The following ECEL1 variants were observed in gnomAD, a reference collection of about 807,000 sequenced individuals.
ECEL1 encodes endothelin converting enzyme like 1, also known as endothelin-converting enzyme-like 1.
In ECEL1, 87 loss-of-function variants were observed where a neutral mutation model predicts 101.8. The observed-to-expected ratio is 0.85, with a 90% CI of 0.72 to 1.02. The LOEUF (loss-of-function observed/expected upper bound fraction) is 1.02. Ranked by LOEUF, ECEL1 falls within the 50% of genes least tolerant of loss-of-function variation. The probability of loss-of-function intolerance (pLI) is 0.00; values close to 1 mark genes in which losing one functional copy is unlikely to be tolerated. For synonymous variants in ECEL1, 487 were observed against 468.7 expected (o/e 1.04, Z -0.50); for missense variants, 1,032 against 1,079.2 (o/e 0.96, Z 0.61).
In ECEL1 at chr2:232,479,981, C is replaced by T; in HGVS notation, c.*172G>A. On this transcript the variant is annotated 3_prime_UTR_variant, in exon 18 of 18. Transcript: ENST00000304546. ...ACAGCCCCCCAAAGTCCAGCCTCAC[C>T]CTGCTCCAGGCCCCTCCTGAAGTGA... 1.6e-6 allele frequency: 1 copy of T among 641,668 alleles called. No homozygotes were observed. The highest frequency in any genetic ancestry group is 1.9e-5 in the South Asian group (1 of 51,544). 39.7% of individuals were successfully genotyped at this position (641,668 alleles called of 1,614,324 possible).
At position 232,485,769 on chromosome 2, in the gene ECEL1, C is replaced by T. The variant is rs1043788985; in HGVS notation, c.786+99G>A. ...CTCCTGCTCGTCTCTTCCCTCCTCT[C>T]CTCTCACGCACCCGCCTCCCGCGCG... On this transcript the variant is annotated intron_variant, in intron 2 of 17. Coordinates refer to ENST00000304546, the MANE Select transcript of ECEL1 (RefSeq NM_004826.4). 3.5e-6 allele frequency: 5 copies of T among 1,438,646 alleles called. No homozygotes were observed. The African/African-American group carries it at 7.0e-5, about 20-fold the overall frequency. 89.1% of individuals were successfully genotyped at this position (1,438,646 alleles called of 1,614,324 possible).
chr2:232,486,563 C>G lies in ECEL1; in HGVS notation c.91G>C (p.Ala31Pro). Residue 31 changes from alanine (A) to proline (P), a missense_variant, in exon 2 of 18, where the codon GCC becomes CCC. Ala to Pro is a conservative substitution (Grantham distance 27, BLOSUM62 -1). Coordinates refer to ENST00000304546, the MANE Select transcript of ECEL1 (RefSeq NM_004826.4). ...AACGGGAAGCCCGGGGGCAGGGAGG[C>G]CCCGCGCGCGCCCCCCGCGCCGCAG... ...SRCGAGGARG[A>P]SLPPGFPLGA... 1 of 1,374,018 alleles carries G rather than the reference C, an allele frequency of 7.3e-7. No homozygotes were observed. The highest frequency in any genetic ancestry group is 1.7e-5 in the South Asian group (1 of 58,388). 85.1% of individuals were successfully genotyped at this position (1,374,018 alleles called of 1,614,324 possible).
In ECEL1 at chr2:232,480,812, G is replaced by T. The variant is rs1380660351; in HGVS notation, c.2057C>A (p.Ala686Asp). The T allele has an allele frequency of 6.2e-7, 1 of 1,612,516 alleles. No individual in the cohort carries two copies. The highest frequency in any genetic ancestry group is 8.5e-7 in the Non-Finnish European group (1 of 1,179,284). Residue 686 changes from alanine to aspartate, a missense_variant and splice_region_variant, in exon 16 of 18, where the codon GCC (alanine) becomes GAC (aspartate). Transcript: ENST00000304546. ...GTGCTCCCGCACCCACTTCTGATAG[G>T]CCTGGGGACACAGAGAGCATGGACC... The part of the protein sequence containing the change: ...DMGGLKLAYH[A>D]YQKWVREHGP...
chr2:232,480,426 G>C lies in ECEL1; in HGVS notation c.2201C>G (p.Thr734Ser), dbSNP rs775593621. 4 of 1,613,888 alleles carry C rather than the reference G, an allele frequency of 2.5e-6. No individual in the cohort carries two copies. In the Admixed American group the frequency reaches 6.7e-5, roughly 27 times the overall value. The change falls in exon 17 of 18, where the codon ACT becomes AGT. Residue 734 changes from threonine to serine, a missense_variant. By Grantham distance (58) the Thr-to-Ser change is moderately conservative. Coordinates refer to ENST00000304546, the MANE Select transcript of ECEL1 (RefSeq NM_004826.4). ...RSQSIYLQVL[T>S]DKHAPEHYRV... ...GTAGTGCTCAGGGGCATGCTTGTCAGTCAGCACCTGCAGGTAGATGGACTG... is the reference window on the plus strand; with the variant it reads ...GTAGTGCTCAGGGGCATGCTTGTCACTCAGCACCTGCAGGTAGATGGACTG...
chr2:232,483,201 A>G, intron 8 of ECEL1, 22 bp from the exon 9 acceptor site: 2 of 1,589,222 alleles, frequency 1.3e-6, no homozygotes, highest in Non-Finnish European at 1.7e-6. Context: ...GGGCAGGTGA[A>G]GGTGGCACCA....
rs1690708413 is a variant in ECEL1, at chr2:232,485,905, C to T, written c.749G>A (p.Ser250Asn). ...SAAALFSLTVSLDDRNSSRYV... is the reference protein window; with the variant it reads ...SAAALFSLTVNLDDRNSSRYV... ...GCGCGAGGAGTTCCTGTCGTCCAGG[C>T]TGACCGTGAGCGAGAAGAGCGCGGC... Residue 250 changes from serine to asparagine, a missense_variant, in exon 2 of 18, where the codon AGC (serine) becomes AAC (asparagine). Ser to Asn is a conservative substitution (Grantham distance 46, BLOSUM62 1). Coordinates refer to ENST00000304546, the MANE Select transcript of ECEL1 (RefSeq NM_004826.4). 6.4e-7 allele frequency: 1 copy of T among 1,569,966 alleles called. No individual in the cohort carries two copies. Among genetic ancestry groups the T allele is most frequent in the East Asian group, 2.4e-5 (1 of 42,456 alleles).
At position 232,486,182 on chromosome 2, in the gene ECEL1, C is replaced by T. The variant is rs752100039; in HGVS notation, c.472G>A (p.Glu158Lys). ...GCCAGCAGGCGCCGTAGGCGCTCCT[C>T]GTTTTGCTCGCCGATGGCCGCGATG... Reference protein sequence around the residue: ...GTIAAIGEQNEERLRRLLARP... With the variant: ...GTIAAIGEQNKERLRRLLARP... Residue 158 changes from glutamate (E) to lysine (K), a missense_variant, in exon 2 of 18, where the codon GAG becomes AAG. Coordinates refer to ENST00000304546, the MANE Select transcript of ECEL1 (RefSeq NM_004826.4). 1.9e-6 allele frequency: 3 copies of T among 1,592,732 alleles called. No homozygotes were observed. Among genetic ancestry groups the T allele is most frequent in the Non-Finnish European group, 2.6e-6 (3 of 1,174,990 alleles).
At position 232,480,486 on chromosome 2, in the gene ECEL1, G is replaced by A; in HGVS notation, c.2152-11C>T. On this transcript the variant is annotated splice_polypyrimidine_tract_variant and intron_variant, in intron 16 of 17. Coordinates refer to ENST00000304546, the MANE Select transcript of ECEL1 (RefSeq NM_004826.4). ...CTTGATGCACCAGTTCTGGGTCCAG[G>A]AGCGGGGTGGAGGGGAGGAGGGGGA... 2 of 1,613,696 alleles carry A rather than the reference G, an allele frequency of 1.2e-6. No homozygotes were observed. Among genetic ancestry groups the A allele is most frequent in the Non-Finnish European group, 1.7e-6 (2 of 1,179,878 alleles).
At position 232,486,583 on chromosome 2, in the gene ECEL1, C is replaced by G. The variant is rs1317603875; in HGVS notation, c.71G>C (p.Gly24Ala). The G allele has an allele frequency of 2.1e-6, 3 of 1,412,132 alleles. No individual in the cohort carries two copies. The highest frequency in any genetic ancestry group is 2.8e-5 in the Admixed American group (1 of 35,800). The allele number at this position is 1,412,132 out of a possible 1,614,324, so 87.5% of individuals were successfully genotyped here. Residue 24 changes from glycine (G) to alanine (A), a missense_variant, in exon 2 of 18, where the codon GGC becomes GCC. Coordinates refer to ENST00000304546, the MANE Select transcript of ECEL1 (RefSeq NM_004826.4). ...GGAGGCCCCGCGCGCGCCCCCCGCG[C>G]CGCAGCGGCTCACGTACTTGACCTC... The part of the protein sequence containing the change: ...FQEVKYVSRC[G>A]AGGARGASLP...
intron 13 of ECEL1, 75 bp downstream of exon 13, chr2:232,481,707 C>T: frequency 6.5e-7 from 1 of 1,548,972 alleles, no homozygotes; most frequent in East Asian, 2.4e-5. Context: ...CCCAGTTAGG[C>T]CATCCCCTAC....
At chr2:232,483,231 C>T in intron 8 of ECEL1, 52 bp from the exon 9 acceptor site, 12 of 1,557,660 alleles carry the variant, frequency 7.7e-6, no homozygotes, top group Non-Finnish European at 1.0e-5. Context: ...AGACAGCCCC[C>T]CGCCCCCCAC....
intron 2 of ECEL1, 80 bp from the exon 3 acceptor site, chr2:232,485,347 C>T: frequency 6.7e-7 from 1 of 1,498,554 alleles, no homozygotes; most frequent in Non-Finnish European, 9.1e-7. Flanking sequence ...ACTCCAATGC[C>T]CAGAGAGCAA....
chr2:232,479,889 C>A lies in ECEL1; in HGVS notation c.*264G>T. The A allele has an allele frequency of 1.1e-5, 6 of 543,552 alleles. No homozygotes were observed. Among genetic ancestry groups the A allele is most frequent in the South Asian group, 6.6e-5 (3 of 45,712 alleles). The allele number at this position is 543,552 out of a possible 1,614,324, so 33.7% of individuals were successfully genotyped here. A position where few individuals can be genotyped will look rare whatever the true frequency, so the allele number is the denominator to read the frequency against. ...GAACACAGCGAAGGTGGGGCCCGTACAATCCAGCCTGGCAGAGGGTCTGGC... is the reference window on the plus strand; with the variant it reads ...GAACACAGCGAAGGTGGGGCCCGTAAAATCCAGCCTGGCAGAGGGTCTGGC... On this transcript the variant is annotated 3_prime_UTR_variant, in exon 18 of 18. Coordinates refer to ENST00000304546, the MANE Select transcript of ECEL1 (RefSeq NM_004826.4).
chr2:232,485,987 C>T lies in ECEL1; in HGVS notation c.667G>A (p.Ala223Thr). The T allele has an allele frequency of 6.2e-7, 1 of 1,604,542 alleles. No individual in the cohort carries two copies. Among genetic ancestry groups the T allele is most frequent in the Non-Finnish European group, 8.5e-7 (1 of 1,177,060 alleles). The change falls in exon 2 of 18, where the codon GCG becomes ACG. Residue 223 changes from alanine to threonine, a missense_variant. Physicochemically the swap from Ala to Thr is moderately conservative, Grantham distance 58. Transcript: ENST00000304546. ...AGCCGGTTGAGGTCCCATCGCGCCG[C>T]GACCCCCGGACGCTCCTCCGCGCCG... ...LGGAEERPGVAARWDLNRLLY... is the reference protein window; with the variant it reads ...LGGAEERPGVTARWDLNRLLY...
rs752713105 is a variant in ECEL1 at position 232,486,074 on chromosome 2, C to G, written c.580G>C (p.Glu194Gln). ...AGCATGGGTCGCGGGCCCAGTCGCTCGATCTCGCGCATGTCGAGGCACGAG... is the reference window on the plus strand; with the variant it reads ...AGCATGGGTCGCGGGCCCAGTCGCTGGATCTCGCGCATGTCGAGGCACGAG... ...FRSCLDMREIERLGPRPMLEV... is the reference protein window; with the variant it reads ...FRSCLDMREIQRLGPRPMLEV... Residue 194 changes from glutamate (E) to glutamine (Q), a missense_variant, in exon 2 of 18, where the codon GAG becomes CAG. Transcript: ENST00000304546. The G allele has an allele frequency of 1.2e-6, 2 of 1,603,600 alleles. No homozygotes were observed. Among genetic ancestry groups the G allele is most frequent in the African/African-American group, 1.3e-5 (1 of 74,860 alleles).
intron 2 of ECEL1, 34 bp downstream of exon 2, chr2:232,485,834 G>T: frequency 6.5e-7 from 1 of 1,537,582 alleles, no homozygotes. Flanking sequence ...CCGGATCCGC[G>T]GCCGCTGGCA....
Position 232,486,731 on chromosome 2 carries a change from C to A in ECEL1, c.-78G>T. On this transcript the variant is annotated 5_prime_UTR_variant, in exon 2 of 18. It adds an upstream start codon to the 5' untranslated region. Transcript: ENST00000304546. ...CGTGGCCGCCGGCCTCCTCGTGGGCCTCCGCATGGCCCTGGGGCCGCAGCT... is the reference window on the plus strand; with the variant it reads ...CGTGGCCGCCGGCCTCCTCGTGGGCATCCGCATGGCCCTGGGGCCGCAGCT... The A allele has an allele frequency of 1.5e-6, 2 of 1,355,116 alleles. No individual in the cohort carries two copies. The highest frequency in any genetic ancestry group is 3.3e-5 in the South Asian group (2 of 60,596). The allele number at this position is 1,355,116 out of a possible 1,614,324, so 83.9% of individuals were successfully genotyped here.
At chr2:232,485,828 A>T in intron 2 of ECEL1, 40 bp downstream of exon 2, 1 of 1,536,282 alleles carries the variant, frequency 6.5e-7, no homozygotes, top group Admixed American at 2.0e-5. Flanking sequence ...TGCGCCCCGG[A>T]TCCGCGGCCG....
intron 1 of ECEL1, 142 bp from the exon 2 acceptor site, chr2:232,486,896 C>T: frequency 8.2e-6 from 3 of 366,354 alleles, no homozygotes; most frequent in Non-Finnish European, 1.4e-5. Context: ...TATGAGGGTT[C>T]GGCGGGGCCA....
Sources: allele counts gnomAD v4.1 joint callset, GRCh38; gene constraint gnomAD v4.1.1; transcripts MANE v1.5; gene names NCBI Gene and HGNC (gene_info 2026-07-23, HGNC 2026-07-21).